Variants in FAT3 observed in about 807,000 individuals in gnomAD.
FAT3 encodes protocadherin Fat 3.
Under a neutral mutation model 310.2 loss-of-function variants are expected in FAT3, and 95 were observed. That is an observed-to-expected ratio of 0.31 (90% CI 0.26 to 0.36). The LOEUF (loss-of-function observed/expected upper bound fraction) is 0.36, where lower values mean the gene tolerates loss of function less well. Among genes scored for constraint, FAT3 ranks in the 10% least tolerant of loss-of-function variants. The pLI, the probability that FAT3 is intolerant of heterozygous loss-of-function variation, is 1.00. For synonymous variants in FAT3, 2,314 were observed against 2,192.9 expected (o/e 1.06, Z -1.54); for missense variants, 5,408 against 5,715.6 (o/e 0.95, Z 1.74).
chr11:92,684,065 A>T (rs754741476), intron 3 of FAT3, among the ~76,000 whole-genome samples: 1 of 152,168 alleles, frequency 6.6e-6, no homozygotes, highest in Non-Finnish European at 1.5e-5. Context: ...CAGAGCTGTG[A>T]ATGGTTTAAA....
At chr11:92,556,397 T>C (rs1955018848) in intron 3 of FAT3, among the ~76,000 whole-genome samples, 1 of 152,178 alleles carries the variant, frequency 6.6e-6, no homozygotes, top group Admixed American at 6.5e-5. Flanking sequence ...CCATGGGTCA[T>C]TTCCATCTAA....
intron 2 of FAT3, among the ~76,000 whole-genome samples, chr11:92,477,040 C>T (rs895452400): frequency 6.6e-6 from 1 of 152,200 alleles, no homozygotes; most frequent in African/African-American, 2.4e-5. Flanking sequence ...TTGGAAATTC[C>T]TCCATATGCT....
intron 3 of FAT3, among the ~76,000 whole-genome samples, chr11:92,594,960 C>T (rs1939626890): frequency 6.6e-6 from 1 of 151,606 alleles, no homozygotes; most frequent in African/African-American, 2.4e-5. Flanking sequence ...TTAAGGTGCT[C>T]ATTCATATAT....
intron 2 of FAT3, among the ~76,000 whole-genome samples, chr11:92,391,472 G>C (rs1337729254): frequency 2.0e-5 from 3 of 152,178 alleles, no homozygotes; most frequent in Non-Finnish European, 4.4e-5. Flanking sequence ...CAGGCAAATA[G>C]TTCTTTATCT....
At chr11:92,305,361 G>T (rs1947093187) in intron 1 of FAT3, among the ~76,000 whole-genome samples, 1 of 152,094 alleles carries the variant, frequency 6.6e-6, no homozygotes, top group African/African-American at 2.4e-5. Flanking sequence ...TAGAAGAAAA[G>T]ATGGGAAATG....
intron 3 of FAT3, among the ~76,000 whole-genome samples, chr11:92,632,856 C>G (rs1016579983): frequency 1.1e-4 from 17 of 152,166 alleles, no homozygotes; most frequent in African/African-American, 4.1e-4. Flanking sequence ...AGGGAAGTGC[C>G]TCTCTTCACT....
chr11:92,632,688 G>A (rs1941598116), intron 3 of FAT3, among the ~76,000 whole-genome samples: 1 of 152,210 alleles, frequency 6.6e-6, no homozygotes. Context: ...CTCAGCCCCT[G>A]ACCAGTTCCT....
Position 92,352,264 on chromosome 11 carries a change from C to T in FAT3, c.152C>T (p.Thr51Ile), listed in dbSNP as rs371896202. Residue 51 changes from threonine to isoleucine, a missense_variant, in exon 2 of 28, where the codon ACC (threonine) becomes ATC (isoleucine). Around this residue, in one of 5 missense-constraint regions of FAT3, gnomAD observed 152 missense variants for 188.3 expected, o/e 0.81. Transcript: ENST00000525166. Reference sequence around the variant, plus strand: ...TTCACACATTCCATTTATAATGCTACCGTGTATGAGAACTCAGCAGCAAGG... The same window carrying T: ...TTCACACATTCCATTTATAATGCTATCGTGTATGAGAACTCAGCAGCAAGG... ...FHFTHSIYNA[T>I]VYENSAARTY... The T allele has an allele frequency of 2.1e-6, 3 of 1,431,742 alleles. No homozygotes were observed. The South Asian group carries it at 3.4e-5, about 16-fold the overall frequency. The allele number at this position is 1,431,742 out of a possible 1,614,324, so 88.7% of individuals were successfully genotyped here. A position where few individuals can be genotyped will look rare whatever the true frequency, so the allele number is the denominator to read the frequency against.
chr11:92,656,086 G>T (rs755588899), intron 3 of FAT3, among the ~76,000 whole-genome samples: 6 of 152,132 alleles, frequency 3.9e-5, no homozygotes, highest in Non-Finnish European at 8.8e-5. Context: ...GAGTTTTGGG[G>T]TTATGAGCCC....
At chr11:92,670,148 C>T (rs557367137) in intron 3 of FAT3, among the ~76,000 whole-genome samples, 6 of 152,224 alleles carry the variant, frequency 3.9e-5, no homozygotes, top group South Asian at 2.1e-4. Context: ...TGCTGCTGCC[C>T]GGAGATGGCT....
intron 3 of FAT3, among the ~76,000 whole-genome samples, chr11:92,616,692 C>T (rs1940826591): frequency 6.6e-6 from 1 of 152,136 alleles, no homozygotes; most frequent in Non-Finnish European, 1.5e-5. Flanking sequence ...AATCTCTCAG[C>T]ATTTGTTTTT....
At position 92,855,041 on chromosome 11, in the gene FAT3, A is replaced by G. The variant is rs554659551; in HGVS notation, c.11366-2173A>G. On this transcript the variant is annotated intron_variant, in intron 19 of 27. Coordinates refer to ENST00000525166, the MANE Select transcript of FAT3 (RefSeq NM_001367949.2). ...TGATGGGATGCATGTTGTGATTCAT[A>G]TGTGTACATTGCCACCTCCATGTGG... 3.5e-3 allele frequency among the ~76,000 whole-genome samples: 535 copies of G among 152,326 alleles called. 3 individuals are homozygous for G. Among genetic ancestry groups the G allele is most frequent in the South Asian group, 0.019 (91 of 4,824 alleles).
At chr11:92,410,006 A>G (rs1950221141) in intron 2 of FAT3, among the ~76,000 whole-genome samples, 1 of 152,192 alleles carries the variant, frequency 6.6e-6, no homozygotes, top group Non-Finnish European at 1.5e-5. Flanking sequence ...TACATTGTTC[A>G]ATCCTGGGAA....
rs147326492 is a variant in FAT3 at position 92,518,803 on chromosome 11, T to C, written c.3293-5831T>C. Among the ~76,000 whole-genome samples the C allele has an allele frequency of 2.4e-3, 366 of 152,266 alleles. 2 individuals are homozygous for C. The highest frequency in any genetic ancestry group is 8.3e-3 in the African/African-American group (347 of 41,570). The stretch of plus-strand genomic sequence containing the variant: ...AATAAAAATAATGCATTTTATAATA[T>C]GTCAAAAACATGAAATGTTTAGGGA... On this transcript the variant is annotated intron_variant, in intron 2 of 27. Coordinates refer to ENST00000525166, the MANE Select transcript of FAT3 (RefSeq NM_001367949.2).
intron 2 of FAT3, among the ~76,000 whole-genome samples, chr11:92,389,065 G>A (rs977763603): frequency 1.3e-5 from 2 of 152,146 alleles, no homozygotes; most frequent in African/African-American, 4.8e-5. Context: ...TACCCAGTAG[G>A]TGCCATAGCA....
chr11:92,315,517 A>AGG (rs1668828076), intron 1 of FAT3, among the ~76,000 whole-genome samples: 3 of 70,638 alleles, frequency 4.2e-5, no homozygotes, highest in Admixed American at 1.4e-4. Context: ...ATATATAGAG[A>AGG]GAGAGAGAGA....
chr11:92,408,052 T>C (rs1950170877), intron 2 of FAT3: 1 of 152,146 alleles, frequency 6.6e-6, no homozygotes, highest in South Asian at 2.1e-4. Context: ...CAAACCTTTA[T>C]TTTCTCATCA....
At chr11:92,757,302 G>A (rs1374664641) in intron 4 of FAT3, among the ~76,000 whole-genome samples, 4 of 152,140 alleles carry the variant, frequency 2.6e-5, no homozygotes, top group Admixed American at 1.3e-4. Context: ...TTAATTGCCA[G>A]CACCACTGAT....
At chr11:92,699,042 C>G (rs185122155) in intron 4 of FAT3, among the ~76,000 whole-genome samples, 49 of 152,308 alleles carry the variant, frequency 3.2e-4, no homozygotes, top group Non-Finnish European at 5.0e-4. Context: ...ATTTTCCAAG[C>G]ATTTGAATTC....
Sources: allele counts gnomAD v4.1 joint callset (sites outside exome capture counted in the v4.1 genomes callset), GRCh38; gene constraint gnomAD v4.1.1; regional missense constraint gnomAD v4.1.1; transcripts MANE v1.5; gene names NCBI Gene and HGNC (gene_info 2026-07-23, HGNC 2026-07-21).